Variants in NCKAP5 observed in about 807,000 individuals in gnomAD.
NCKAP5 encodes nck-associated protein 5.
NCKAP5 carries 92 observed loss-of-function variants against 167.0 expected under a neutral mutation model. The ratio of observed to expected loss-of-function variants is 0.55; its 90% CI spans 0.47 to 0.66. The LOEUF (loss-of-function observed/expected upper bound fraction) is 0.66, where lower values mean the gene tolerates loss of function less well. NCKAP5 is among the 30% of genes least tolerant of loss of function. The pLI is 0.00. For missense variants in NCKAP5, 2,378 were observed against 2,315.0 expected (o/e 1.03, Z -0.56); for synonymous variants, 891 against 877.4 (o/e 1.02, Z -0.27).
chr2:133,602,223 T>C, the NCKAP5 span, among the ~76,000 whole-genome samples: 1 of 152,094 alleles, frequency 6.6e-6, no homozygotes, highest in Non-Finnish European at 1.5e-5. Flanking sequence ...GAGGTGGTGT[T>C]TGACCTGAGC....
At position 133,469,189 on chromosome 2, in the gene NCKAP5, C is replaced by T. The variant is rs576644948; in HGVS notation, c.69+48269G>A. Among the ~76,000 whole-genome samples, 198 of 151,880 alleles carry T rather than the reference C, an allele frequency of 1.3e-3. 1 individual carries two copies. The highest frequency in any genetic ancestry group is 4.5e-3 in the African/African-American group (187 of 41,398). On this transcript the variant is annotated intron_variant, in intron 3 of 19. Transcript: ENST00000409261. ...ATATTTAGCGCTTCCTTCAGGAGCTCTTTTAGGGCAGGCCTGGTGGTGACA... is the reference window on the plus strand; with the variant it reads ...ATATTTAGCGCTTCCTTCAGGAGCTTTTTTAGGGCAGGCCTGGTGGTGACA...
chr2:133,307,554 G>A (rs1680871597), intron 3 of NCKAP5, among the ~76,000 whole-genome samples: 2 of 152,032 alleles, frequency 1.3e-5, no homozygotes, highest in South Asian at 4.2e-4. Context: ...AGCTCAACAA[G>A]GAGCAAAACC....
chr2:133,571,844 C>CT (rs1347083076), upstream of NCKAP5, among the ~76,000 whole-genome samples: 1 of 152,132 alleles, frequency 6.6e-6, no homozygotes, highest in African/African-American at 2.4e-5. Flanking sequence ...TTCAGCATTT[C>CT]TATGTGCCAT....
chr2:133,172,133 A>G (rs979608100), intron 5 of NCKAP5, among the ~76,000 whole-genome samples: 1 of 152,230 alleles, frequency 6.6e-6, no homozygotes, highest in Non-Finnish European at 1.5e-5. Flanking sequence ...TAAGCCAAAA[A>G]TGTAGATAAC....
At chr2:133,225,281 G>C (rs1256260164) in intron 4 of NCKAP5, among the ~76,000 whole-genome samples, 1 of 152,154 alleles carries the variant, frequency 6.6e-6, no homozygotes, top group Non-Finnish European at 1.5e-5. Context: ...ATCTCCTAAG[G>C]AGCATTACAT....
intron 11 of NCKAP5, among the ~76,000 whole-genome samples, chr2:132,836,714 T>A (rs1687914525): frequency 6.6e-6 from 1 of 152,094 alleles, no homozygotes; most frequent in African/African-American, 2.4e-5. Context: ...TCCCCCCAAG[T>A]CCCCAAAGTC....
chr2:133,386,130 T>A lies in NCKAP5; in HGVS notation c.70-83020A>T, dbSNP rs538199616. The stretch of plus-strand genomic sequence containing the variant: ...GCTCTTGCTTCTCTAGTTATTTTAA[T>A]TGCAATGTTAGGGTGACAATTTTAG... On this transcript the variant is annotated intron_variant, in intron 3 of 19. Coordinates refer to ENST00000409261, the MANE Select transcript of NCKAP5 (RefSeq NM_207363.3). Among the ~76,000 whole-genome samples, 17 of 152,344 alleles carry A rather than the reference T, an allele frequency of 1.1e-4. No homozygotes were observed. The South Asian group carries it at 3.5e-3, about 32-fold the overall frequency.
At chr2:133,009,235 T>C (rs2078070254) in intron 6 of NCKAP5, among the ~76,000 whole-genome samples, 1 of 152,214 alleles carries the variant, frequency 6.6e-6, no homozygotes, top group Non-Finnish European at 1.5e-5. Flanking sequence ...CCTAACTTAT[T>C]CATAGACTAC....
At chr2:132,753,279 T>C (rs943865359) in intron 16 of NCKAP5, among the ~76,000 whole-genome samples, 1 of 152,218 alleles carries the variant, frequency 6.6e-6, no homozygotes, top group Admixed American at 6.5e-5. Context: ...TGATGAAAGA[T>C]GGCTTATTTA....
At chr2:133,209,415 T>G (rs2086107799) in intron 5 of NCKAP5, among the ~76,000 whole-genome samples, 1 of 147,934 alleles carries the variant, frequency 6.8e-6, no homozygotes, top group African/African-American at 2.5e-5. Context: ...AATAAAGATC[T>G]GAGTTAACAG....
At chr2:133,171,936 T>C (rs1037116791) in intron 5 of NCKAP5, among the ~76,000 whole-genome samples, 2 of 152,218 alleles carry the variant, frequency 1.3e-5, no homozygotes, top group African/African-American at 4.8e-5. Context: ...AGAATTCTTC[T>C]GGGGAACAAG....
chr2:133,401,932 T>C (rs190393093), intron 3 of NCKAP5, among the ~76,000 whole-genome samples: 125 of 152,282 alleles, frequency 8.2e-4, no homozygotes, highest in Non-Finnish European at 1.6e-3. Flanking sequence ...TGTACTACTC[T>C]AATCTGCTTG....
At chr2:132,935,047 G>A (rs1696734599) in intron 8 of NCKAP5, among the ~76,000 whole-genome samples, 1 of 152,174 alleles carries the variant, frequency 6.6e-6, no homozygotes, top group Admixed American at 6.5e-5. Context: ...AGCTACAAGA[G>A]ATTGGTTCAG....
chr2:132,768,841 G>A (rs1340332815), intron 16 of NCKAP5, among the ~76,000 whole-genome samples: 1 of 150,330 alleles, frequency 6.7e-6, no homozygotes, highest in Non-Finnish European at 1.5e-5. Flanking sequence ...GGGTTTCACT[G>A]TGTTAGCCAG....
intron 6 of NCKAP5, among the ~76,000 whole-genome samples, chr2:133,061,081 C>T (rs145268791): frequency 5.4e-5 from 3 of 55,334 alleles, no homozygotes; most frequent in African/African-American, 1.3e-4. Flanking sequence ...AAAAACAAAA[C>T]AACAACAACA....
At chr2:133,663,138 C>T in the NCKAP5 span, among the ~76,000 whole-genome samples, 1 of 152,122 alleles carries the variant, frequency 6.6e-6, no homozygotes, top group East Asian at 1.9e-4. Flanking sequence ...CGGTGGCGGG[C>T]GCCTGTAGTC....
At chr2:133,524,383 T>C (rs2104788628) in intron 2 of NCKAP5, among the ~76,000 whole-genome samples, 2 of 152,310 alleles carry the variant, frequency 1.3e-5, no homozygotes, top group Middle Eastern at 6.8e-3. Flanking sequence ...TATCCGTATC[T>C]CCACTCTCAG....
intron 19 of NCKAP5, chr2:132,714,967 A>G: frequency 2.3e-6 from 1 of 438,278 alleles, no homozygotes; most frequent in Non-Finnish European, 4.5e-6. Flanking sequence ...CCCACTGTGT[A>G]ATTCGCTGAG....
Position 133,566,833 on chromosome 2 carries a change from T to C in NCKAP5, c.-130+1383A>G, listed in dbSNP as rs548854855. Among the ~76,000 whole-genome samples, 6 of 152,330 alleles carry C rather than the reference T, an allele frequency of 3.9e-5. No homozygotes were observed. The East Asian group carries it at 1.2e-3, about 29-fold the overall frequency. On this transcript the variant is annotated intron_variant, in intron 1 of 19. Coordinates refer to ENST00000409261, the MANE Select transcript of NCKAP5 (RefSeq NM_207363.3). ...CAAGTCCCTTATTTTAAGCAAAGAATTGCAAAGAGCACTGAGCTCTAATAC... is the reference window on the plus strand; with the variant it reads ...CAAGTCCCTTATTTTAAGCAAAGAACTGCAAAGAGCACTGAGCTCTAATAC...
Sources: allele counts gnomAD v4.1 joint callset (sites outside exome capture counted in the v4.1 genomes callset), GRCh38; gene constraint gnomAD v4.1.1; transcripts MANE v1.5; gene names NCBI Gene and HGNC (gene_info 2026-07-23, HGNC 2026-07-21).